ST18: variants seen among roughly 807,000 people sequenced by gnomAD.
ST18 encodes the protein suppression of tumorigenicity 18 protein.
In ST18, 50 loss-of-function variants were observed where a neutral mutation model predicts 110.0. The ratio of observed to expected loss-of-function variants is 0.45; its 90% CI spans 0.36 to 0.58. ST18 has a LOEUF of 0.58. Among genes scored for constraint, ST18 ranks in the 20% least tolerant of loss-of-function variants. The pLI is 0.00. For missense variants in ST18, 1,306 were observed against 1,280.1 expected (o/e 1.02, Z -0.31); for synonymous variants, 461 against 452.4 (o/e 1.02, Z -0.24).
intron 6 of ST18, among the ~76,000 whole-genome samples, chr8:52,216,836 T>C (rs1445513020): frequency 1.3e-5 from 2 of 152,172 alleles, no homozygotes; most frequent in African/African-American, 4.8e-5. Flanking sequence ...ATTCAATGAG[T>C]ACCTTGTCCA....
chr8:52,237,090 C>T (rs1191829384), intron 2 of ST18, among the ~76,000 whole-genome samples: 1 of 152,320 alleles, frequency 6.6e-6, no homozygotes, highest in Non-Finnish European at 1.5e-5. Context: ...CCCTCTAGAG[C>T]TCCAAGGATC....
chr8:52,320,389 C>T lies in ST18; in HGVS notation c.-465+88939G>A, dbSNP rs143406404. Among the ~76,000 whole-genome samples the T allele has an allele frequency of 3.5e-4, 53 of 151,568 alleles. No individual in the cohort carries two copies. In the East Asian group the frequency reaches 9.1e-3, roughly 26 times the overall value. On this transcript the variant is annotated intron_variant, in intron 2 of 25. Coordinates refer to ENST00000689386, the MANE Select transcript of ST18 (RefSeq NM_001352837.2). ...GTTCCTACTATTGATTTTTTTTTTACCACAAATAAATAAAATTGAATTTAA... is the reference window on the plus strand; with the variant it reads ...GTTCCTACTATTGATTTTTTTTTTATCACAAATAAATAAAATTGAATTTAA...
intron 2 of ST18, among the ~76,000 whole-genome samples, chr8:52,272,572 T>C (rs536456350): frequency 6.2e-5 from 9 of 144,814 alleles, no homozygotes; most frequent in Non-Finnish European, 8.8e-5. Context: ...AAGACAAGTG[T>C]TGCAAGGATA....
chr8:52,191,494 G>T (rs1234763560), intron 8 of ST18, among the ~76,000 whole-genome samples: 3 of 152,318 alleles, frequency 2.0e-5, no homozygotes, highest in African/African-American at 4.8e-5. Flanking sequence ...TGAGCAGGCA[G>T]CCCAGACCTG....
intron 8 of ST18, among the ~76,000 whole-genome samples, chr8:52,181,563 A>G (rs773536365): frequency 1.6e-4 from 24 of 152,224 alleles, no homozygotes; most frequent in Non-Finnish European, 2.9e-4. Context: ...AATCACCCTG[A>G]TAGGTAATAG....
intron 2 of ST18, among the ~76,000 whole-genome samples, chr8:52,321,052 T>C (rs1384944188): frequency 6.6e-6 from 1 of 152,190 alleles, no homozygotes; most frequent in Non-Finnish European, 1.5e-5. Context: ...GAAATAACTG[T>C]CAAGTTGCAG....
chr8:52,188,836 A>C (rs2073388425), intron 8 of ST18, among the ~76,000 whole-genome samples: 2 of 152,204 alleles, frequency 1.3e-5, no homozygotes, highest in Non-Finnish European at 2.9e-5. Context: ...GTAAAGGGTC[A>C]AGAATGCCTA....
chr8:52,385,525 G>A (rs1245230043), intron 2 of ST18, among the ~76,000 whole-genome samples: 3 of 151,412 alleles, frequency 2.0e-5, no homozygotes, highest in Non-Finnish European at 2.9e-5. Context: ...GCTTGAACCC[G>A]GGAGGCGGAG....
intron 8 of ST18, among the ~76,000 whole-genome samples, chr8:52,188,345 A>C (rs1442593964): frequency 6.6e-6 from 1 of 152,180 alleles, no homozygotes; most frequent in African/African-American, 2.4e-5. Context: ...AAGGGAGAAA[A>C]TGCAGAAACA....
chr8:52,176,027 CTTT>C (rs771680772), intron 9 of ST18, among the ~76,000 whole-genome samples: 3 of 145,380 alleles, frequency 2.1e-5, no homozygotes, highest in African/African-American at 5.0e-5. Flanking sequence ...TCAGCTAACT[CTTT>C]TTTTTTTTTT....
chr8:52,355,634 T>C (rs1403542245), intron 2 of ST18, among the ~76,000 whole-genome samples: 2 of 152,072 alleles, frequency 1.3e-5, no homozygotes, highest in African/African-American at 4.8e-5. Context: ...TGACAATGAG[T>C]GATAGGTGTG....
At chr8:52,387,869 A>G (rs16917804) in intron 2 of ST18, among the ~76,000 whole-genome samples, 2,339 of 152,274 alleles carry the variant, frequency 0.015, 54 homozygotes, top group African/African-American at 0.053. Flanking sequence ...TGACACGATC[A>G]GTGACTAAAC....
intron 14 of ST18, 129 bp from the exon 15 acceptor site, chr8:52,159,238 T>C (rs1249367995): frequency 3.5e-6 from 3 of 847,864 alleles, no homozygotes; most frequent in African/African-American, 1.7e-5. Flanking sequence ...CGTTCCATTA[T>C]CCATGGGAAC....
intron 2 of ST18, among the ~76,000 whole-genome samples, chr8:52,293,363 G>A (rs1351422115): frequency 6.6e-6 from 1 of 152,216 alleles, no homozygotes; most frequent in Non-Finnish European, 1.5e-5. Context: ...GGGAAAGGCT[G>A]GGCGACTTCA....
intron 7 of ST18, among the ~76,000 whole-genome samples, chr8:52,212,718 A>G (rs2082653200): frequency 6.6e-6 from 1 of 152,218 alleles, no homozygotes; most frequent in South Asian, 2.1e-4. Flanking sequence ...TAAGCAGCAT[A>G]TTGAGAGAGA....
At chr8:52,320,315 G>C (rs548813889) in intron 2 of ST18, among the ~76,000 whole-genome samples, 127 of 152,136 alleles carry the variant, frequency 8.3e-4, no homozygotes, top group Admixed American at 2.9e-3. Context: ...CCTCTGTGGA[G>C]GAAACCCACA....
intron 8 of ST18, chr8:52,210,096 C>T: frequency 2.2e-6 from 1 of 456,132 alleles, no homozygotes; most frequent in Non-Finnish European, 4.4e-6. Context: ...TAAGTGGCCT[C>T]ATGTCCACGG....
intron 8 of ST18, among the ~76,000 whole-genome samples, chr8:52,202,164 A>G (rs2078207282): frequency 6.6e-6 from 1 of 152,182 alleles, no homozygotes; most frequent in Non-Finnish European, 1.5e-5. Flanking sequence ...TAGGGAAAGA[A>G]CTTAAGAACT....
intron 12 of ST18, among the ~76,000 whole-genome samples, chr8:52,164,598 A>G (rs761324271): frequency 2.0e-5 from 3 of 152,246 alleles, no homozygotes; most frequent in Non-Finnish European, 4.4e-5. Context: ...AATATCAAAC[A>G]ATCAGCATTT....
Sources: allele counts gnomAD v4.1 joint callset (sites outside exome capture counted in the v4.1 genomes callset), GRCh38; gene constraint gnomAD v4.1.1; transcripts MANE v1.5; gene names NCBI Gene and HGNC (gene_info 2026-07-23, HGNC 2026-07-21).